Variants in KAZN observed in about 807,000 individuals in gnomAD.
The protein encoded by KAZN is kazrin.
A neutral mutation model predicts 87.4 loss-of-function variants in KAZN; 40 were observed. That is an observed-to-expected ratio of 0.46 (90% CI 0.36 to 0.60). The LOEUF (loss-of-function observed/expected upper bound fraction) is 0.60, where lower values mean the gene tolerates loss of function less well. Among genes scored for constraint, KAZN ranks in the 20% least tolerant of loss-of-function variants. The pLI is 0.00. For synonymous variants in KAZN, 466 were observed against 458.3 expected, an observed-to-expected ratio of 1.02 and a Z score of -0.22; for missense variants, 898 against 1,073.9, an observed-to-expected ratio of 0.84 and a Z score of 2.29.
chr1:15,025,373 C>T (rs1299811203), intron 2 of KAZN, among the ~76,000 whole-genome samples: 1 of 152,140 alleles, frequency 6.6e-6, no homozygotes, highest in African/African-American at 2.4e-5. Flanking sequence ...AGTAGAATTG[C>T]CCTTGGTTCC....
intron 4 of KAZN, among the ~76,000 whole-genome samples, chr1:15,048,802 G>T (rs1378486560): frequency 2.0e-4 from 29 of 147,946 alleles, no homozygotes; most frequent in Non-Finnish European, 1.3e-4. Context: ...CATTGGTCCT[G>T]AGTCGTTGGT....
intron 2 of KAZN, among the ~76,000 whole-genome samples, chr1:14,407,979 CAATTT>C (rs1263712785): frequency 6.6e-6 from 1 of 152,176 alleles, no homozygotes; most frequent in Non-Finnish European, 1.5e-5. Context: ...CCTCTCAATT[CAATTT>C]ATCACATCCA....
intron 2 of KAZN, among the ~76,000 whole-genome samples, chr1:14,217,710 G>A (rs1026668643): frequency 6.6e-6 from 1 of 151,884 alleles, no homozygotes; most frequent in Non-Finnish European, 1.5e-5. Flanking sequence ...CATAACTAAG[G>A]AAACTGACCC....
At chr1:15,048,725 TGGTCATGGGTCGTC>T (rs1673918548) in intron 4 of KAZN, among the ~76,000 whole-genome samples, 1 of 131,990 alleles carries the variant, frequency 7.6e-6, no homozygotes, top group Non-Finnish European at 1.6e-5. Flanking sequence ...CCTGGGTCGT[TGGTCATGGGTCGTC>T]GATCCTGGGT....
chr1:14,780,563 C>T (rs887531051), intron 1 of KAZN, among the ~76,000 whole-genome samples: 2 of 152,186 alleles, frequency 1.3e-5, no homozygotes, highest in African/African-American at 4.8e-5. Flanking sequence ...GAATCTGCCC[C>T]ATAGGGTTGG....
intron 2 of KAZN, among the ~76,000 whole-genome samples, chr1:14,973,382 G>A (rs1665280500): frequency 6.6e-6 from 1 of 152,206 alleles, no homozygotes; most frequent in South Asian, 2.1e-4. Flanking sequence ...CTTCTGCGCA[G>A]AGGGGTACCT....
chr1:15,005,213 A>C (rs1448124800), intron 2 of KAZN, among the ~76,000 whole-genome samples: 1 of 152,120 alleles, frequency 6.6e-6, no homozygotes, highest in East Asian at 1.9e-4. Context: ...TGGAAAAAAA[A>C]ACATGTTTTT....
At chr1:14,929,752 C>T (rs975708981) in intron 1 of KAZN, 4 of 985,066 alleles carry the variant, frequency 4.1e-6, no homozygotes, top group Non-Finnish European at 4.8e-6. Flanking sequence ...TGGATTTACT[C>T]TCCGTGAGTG....
intron 2 of KAZN, among the ~76,000 whole-genome samples, chr1:14,315,748 G>A (rs1193013202): frequency 6.6e-6 from 1 of 151,946 alleles, no homozygotes; most frequent in East Asian, 1.9e-4. Flanking sequence ...CTTTTATACT[G>A]TTGAATGTAT....
Position 14,274,311 on chromosome 1 carries a change from A to ATC in KAZN, c.249+93723_249+93724dup, listed in dbSNP as rs997087830. Among the ~76,000 whole-genome samples the ATC allele has an allele frequency of 2.2e-4, 34 of 152,280 alleles. 1 individual carries two copies. The highest frequency in any genetic ancestry group is 7.9e-4 in the African/African-American group (33 of 41,548). On this transcript the variant is annotated intron_variant, in intron 2 of 16. Coordinates refer to the KAZN transcript ENST00000636203. ...CATCACCATTGCCTTAATGTTTTGT[A>ATC]TCTCTGGTCTACTGGCTTCTCTTGC...
intron 1 of KAZN, among the ~76,000 whole-genome samples, chr1:14,681,760 TCCGCCTC>T (rs1229326634): frequency 7.5e-6 from 1 of 132,818 alleles, no homozygotes. Context: ...CACTGCAAGC[TCCGCCTC>T]CCGCCTCCCG....
At chr1:14,477,668 G>A (rs1169269392) in intron 2 of KAZN, among the ~76,000 whole-genome samples, 4 of 152,062 alleles carry the variant, frequency 2.6e-5, no homozygotes, top group Admixed American at 6.6e-5. Context: ...CGTAGCAGAC[G>A]AATAGTCACA....
At chr1:14,538,305 A>G (rs1291434251) in intron 2 of KAZN, among the ~76,000 whole-genome samples, 2 of 152,242 alleles carry the variant, frequency 1.3e-5, no homozygotes, top group Admixed American at 6.5e-5. Flanking sequence ...GAAAATGGGT[A>G]TGATAAAACA....
chr1:13,913,557 C>T (rs1639729336), intron 1 of KAZN, among the ~76,000 whole-genome samples: 1 of 152,006 alleles, frequency 6.6e-6, no homozygotes, highest in South Asian at 2.1e-4. Context: ...TTCCCAAGGG[C>T]TCCTTCTTCT....
intron 2 of KAZN, among the ~76,000 whole-genome samples, chr1:14,288,184 C>G (rs1417951435): frequency 6.6e-6 from 1 of 152,170 alleles, no homozygotes; most frequent in Non-Finnish European, 1.5e-5. Context: ...CAGGATGATG[C>G]TGGCCTCATA....
chr1:14,466,776 G>C (rs999893312), intron 2 of KAZN, among the ~76,000 whole-genome samples: 4 of 151,942 alleles, frequency 2.6e-5, no homozygotes, highest in Non-Finnish European at 4.4e-5. Context: ...AGACCATCCT[G>C]GCTAACACGG....
In KAZN at chr1:14,941,214, C is replaced by T. The variant is rs145461928; in HGVS notation, c.227-19470C>T. Among the ~76,000 whole-genome samples, 8 of 152,260 alleles carry T rather than the reference C, an allele frequency of 5.3e-5. No individual in the cohort carries two copies. In the East Asian group the frequency reaches 5.8e-4, roughly 11 times the overall value. ...GATTACAGGCGTGAGCCACCACGCC[C>T]GTCTTCATTCACCTTTTCTGTAGCC... is the stretch of plus-strand genomic sequence containing the variant. On this transcript the variant is annotated intron_variant, in intron 1 of 14. Coordinates refer to ENST00000376030, the MANE Select transcript of KAZN (RefSeq NM_201628.3).
chr1:14,450,933 G>A (rs1264992315), intron 2 of KAZN, among the ~76,000 whole-genome samples: 2 of 152,042 alleles, frequency 1.3e-5, no homozygotes, highest in Non-Finnish European at 2.9e-5. Flanking sequence ...TCCTCTCGGT[G>A]CTGTCCTCCC....
intron 2 of KAZN, among the ~76,000 whole-genome samples, chr1:14,537,791 A>G (rs1452999652): frequency 1.3e-5 from 2 of 152,196 alleles, no homozygotes; most frequent in Non-Finnish European, 2.9e-5. Flanking sequence ...GTCTCATGAT[A>G]GCACAAGGCT....
Sources: gnomAD v4.1 joint callset for allele counts (sites outside exome capture counted in the v4.1 genomes callset) on GRCh38, gnomAD v4.1.1 for gene constraint, MANE v1.5 for transcripts, NCBI Gene and HGNC (gene_info 2026-07-23, HGNC 2026-07-21) for gene names.